The following KAZN variants were observed in gnomAD, a reference collection of about 807,000 sequenced individuals.
KAZN encodes the protein kazrin, periplakin interacting protein, also known as kazrin.
In KAZN, 40 loss-of-function variants were observed where a neutral mutation model predicts 87.4. The observed-to-expected ratio is 0.46, with a 90% CI of 0.36 to 0.60. The LOEUF is 0.60. KAZN is among the 20% of genes least tolerant of loss of function. The probability of loss-of-function intolerance (pLI) is 0.00; values close to 1 mark genes in which losing one functional copy is unlikely to be tolerated. For synonymous variants in KAZN, 466 were observed against 458.3 expected (o/e 1.02, Z -0.22); for missense variants, 898 against 1,073.9 (o/e 0.84, Z 2.29).
At chr1:14,731,528 C>A (rs1446308445) in intron 1 of KAZN, among the ~76,000 whole-genome samples, 1 of 152,204 alleles carries the variant, frequency 6.6e-6, no homozygotes, top group Non-Finnish European at 1.5e-5. Flanking sequence ...GAAGGTTTTG[C>A]TTCTGGGTCG....
intron 2 of KAZN, among the ~76,000 whole-genome samples, chr1:14,401,649 C>G (rs760117134): frequency 7.2e-5 from 11 of 151,890 alleles, no homozygotes; most frequent in Non-Finnish European, 1.5e-4. Flanking sequence ...AACCCCATCT[C>G]TACAAAAAAT....
At chr1:14,655,094 G>A (rs1638703407) in intron 1 of KAZN, among the ~76,000 whole-genome samples, 1 of 152,182 alleles carries the variant, frequency 6.6e-6, no homozygotes, top group South Asian at 2.1e-4. Context: ...GGGGTCTGAG[G>A]ATTTATGTGT....
intron 1 of KAZN, among the ~76,000 whole-genome samples, chr1:14,827,016 G>A (rs987094458): frequency 6.6e-5 from 10 of 152,208 alleles, no homozygotes; most frequent in African/African-American, 1.7e-4. Flanking sequence ...TGGAGCTGCC[G>A]TGAGGGCGGA....
At chr1:13,977,971 CA>C (rs1182867300) in intron 1 of KAZN, among the ~76,000 whole-genome samples, 1 of 151,702 alleles carries the variant, frequency 6.6e-6, no homozygotes, top group Non-Finnish European at 1.5e-5. Context: ...ATTAAAAATA[CA>C]AAAAAATTAG....
At chr1:13,980,106 T>C (rs1638589907) in intron 1 of KAZN, among the ~76,000 whole-genome samples, 1 of 152,126 alleles carries the variant, frequency 6.6e-6, no homozygotes, top group Non-Finnish European at 1.5e-5. Context: ...CAAGCAAGCA[T>C]GTTGTAATCT....
At chr1:14,883,342 GAAAGAAAGAAAGAAAAGAAAGAA>G (rs1302669049) in intron 1 of KAZN, among the ~76,000 whole-genome samples, 1 of 33,462 alleles carries the variant, frequency 3.0e-5, no homozygotes, top group Non-Finnish European at 6.1e-5. Context: ...GAGAGAGAGA[GAAAGAAAGAAAGAAAAGAAAGAA>G]AGAAAGAAAG....
chr1:15,071,770 C>A (rs192656838), intron 8 of KAZN, among the ~76,000 whole-genome samples: 1 of 152,274 alleles, frequency 6.6e-6, no homozygotes, highest in Admixed American at 6.5e-5. Flanking sequence ...CTAGCACGTG[C>A]CTTGCAAGGC....
chr1:15,023,881 A>T (rs912906609), intron 2 of KAZN, among the ~76,000 whole-genome samples: 1 of 138,262 alleles, frequency 7.2e-6, no homozygotes, highest in Non-Finnish European at 1.6e-5. Flanking sequence ...CGGCTGATTA[A>T]TTGGGGGTGG....
At chr1:15,005,472 G>C (rs1218447716) in intron 2 of KAZN, among the ~76,000 whole-genome samples, 1 of 152,008 alleles carries the variant, frequency 6.6e-6, no homozygotes, top group Non-Finnish European at 1.5e-5. Context: ...GTTTTGTTTT[G>C]TTTTTCTGAG....
At chr1:14,979,345 G>T (rs1224465479) in intron 2 of KAZN, among the ~76,000 whole-genome samples, 1 of 151,860 alleles carries the variant, frequency 6.6e-6, no homozygotes, top group Non-Finnish European at 1.5e-5. Context: ...GGAGGCAGAG[G>T]TTGCAGTGAG....
chr1:14,005,708 A>G (rs912324596), intron 1 of KAZN, among the ~76,000 whole-genome samples: 5 of 152,250 alleles, frequency 3.3e-5, no homozygotes, highest in Non-Finnish European at 7.3e-5. Flanking sequence ...CTTTACCTAT[A>G]GAATTAAAGA....
At position 14,616,055 on chromosome 1, in the gene KAZN, G is replaced by A. The variant is rs902211455; in HGVS notation, c.226+16832G>A. ...GGTGGAGAGAAGGTGGCACCAGAGG[G>A]AAGTGCCCATGTGGGTTATGGAATG... On this transcript the variant is annotated intron_variant, in intron 1 of 14. Coordinates refer to ENST00000376030, the MANE Select transcript of KAZN (RefSeq NM_201628.3). Among the ~76,000 whole-genome samples the A allele has an allele frequency of 3.9e-5, 6 of 152,178 alleles. No homozygotes were observed. In the East Asian group the frequency reaches 9.6e-4, roughly 24 times the overall value.
chr1:14,247,857 T>C (rs1368966770), intron 2 of KAZN, among the ~76,000 whole-genome samples: 1 of 152,126 alleles, frequency 6.6e-6, no homozygotes, highest in Admixed American at 6.5e-5. Context: ...ATAATCTTCA[T>C]GTACGCTGGC....
At chr1:14,810,026 A>T (rs1414206630) in intron 1 of KAZN, among the ~76,000 whole-genome samples, 1 of 152,104 alleles carries the variant, frequency 6.6e-6, no homozygotes, top group Admixed American at 6.5e-5. Context: ...TGCATTATAG[A>T]TGTTTAGCAG....
chr1:14,419,861 A>C (rs1029711830), intron 2 of KAZN, among the ~76,000 whole-genome samples: 1 of 152,054 alleles, frequency 6.6e-6, no homozygotes, highest in Non-Finnish European at 1.5e-5. Context: ...TGCGGCGAGT[A>C]TTACAGCTCG....
chr1:14,383,624 G>A (rs1339476668), intron 2 of KAZN, among the ~76,000 whole-genome samples: 1 of 151,910 alleles, frequency 6.6e-6, no homozygotes, highest in African/African-American at 2.4e-5. Flanking sequence ...TCAGATAGTT[G>A]TAGATATGCG....
chr1:15,013,807 A>C (rs1191406016), intron 2 of KAZN, among the ~76,000 whole-genome samples: 1 of 151,490 alleles, frequency 6.6e-6, no homozygotes, highest in African/African-American at 2.4e-5. Context: ...CAAAAAGCTG[A>C]TCAGGTGACT....
At chr1:14,026,102 T>C (rs1641058499) in intron 1 of KAZN, among the ~76,000 whole-genome samples, 1 of 152,202 alleles carries the variant, frequency 6.6e-6, no homozygotes, top group African/African-American at 2.4e-5. Flanking sequence ...GAAAAGGGCA[T>C]TTTAAAGAGC....
intron 1 of KAZN, among the ~76,000 whole-genome samples, chr1:14,755,125 T>C (rs1644525014): frequency 6.8e-6 from 1 of 147,084 alleles, no homozygotes; most frequent in Non-Finnish European, 1.5e-5. Context: ...TGGTGGCGTG[T>C]GCCCACAGTT....
Sources: gnomAD v4.1 joint callset for allele counts (sites outside exome capture counted in the v4.1 genomes callset) on GRCh38, gnomAD v4.1.1 for gene constraint, MANE v1.5 for transcripts, NCBI Gene and HGNC (gene_info 2026-07-23, HGNC 2026-07-21) for gene names.